LDB3: variants seen among roughly 807,000 people sequenced by gnomAD.
The protein encoded by LDB3 is LIM domain-binding protein 3.
LDB3 carries 49 observed loss-of-function variants against 69.0 expected under a neutral mutation model. The ratio of observed to expected loss-of-function variants is 0.71; its 90% CI spans 0.56 to 0.90. The LOEUF is 0.90. Among genes scored for constraint, LDB3 ranks in the 40% least tolerant of loss-of-function variants. LDB3 has a pLI of 0.00. For missense variants in LDB3, 928 were observed against 974.1 expected (o/e 0.95, Z 0.63); for synonymous variants, 387 against 396.2 (o/e 0.98, Z 0.28).
chr10:86,680,450 C>G (rs1381213215), intron 4 of LDB3, among the ~76,000 whole-genome samples: 1 of 152,220 alleles, frequency 6.6e-6, no homozygotes, highest in Non-Finnish European at 1.5e-5. Flanking sequence ...CAGCAGTGTT[C>G]CCAGGAGAGG....
Position 86,734,066 on chromosome 10 carries a change from C to T in LDB3, c.*1090C>T, listed in dbSNP as rs539266961. ...CTTTCTGCCACCCTCAGTAAGAACA[C>T]ACGAGGAGGCAGGACCTCCCACCTT... On this transcript the variant is annotated 3_prime_UTR_variant, in exon 14 of 14. Coordinates refer to ENST00000361373, the MANE Select transcript of LDB3 (RefSeq NM_007078.3). 6.6e-5 allele frequency: 10 copies of T among 152,366 alleles called. No homozygotes were observed. The East Asian group carries it at 1.9e-3, about 29-fold the overall frequency. 9.4% of individuals were successfully genotyped at this position (152,366 alleles called of 1,614,324 possible).
chr10:86,706,316 C>T (rs568965699), intron 7 of LDB3, among the ~76,000 whole-genome samples: 2 of 152,272 alleles, frequency 1.3e-5, no homozygotes, highest in South Asian at 2.1e-4. Context: ...GTTACTGGAA[C>T]CCTCCTGTGG....
intron 2 of LDB3, among the ~76,000 whole-genome samples, chr10:86,674,256 CACA>C (rs1844649579): frequency 6.6e-6 from 1 of 152,212 alleles, no homozygotes; most frequent in Admixed American, 6.5e-5. Context: ...ACATAATCCT[CACA>C]ACAATCCCGA....
intron 9 of LDB3, among the ~76,000 whole-genome samples, chr10:86,715,021 C>T (rs1409281225): frequency 6.6e-6 from 1 of 152,210 alleles, no homozygotes; most frequent in Non-Finnish European, 1.5e-5. Flanking sequence ...GGGTGGGTCA[C>T]CTGGGAGTGG....
chr10:86,667,801 A>T (rs1395593788), upstream of LDB3, among the ~76,000 whole-genome samples: 9 of 152,342 alleles, frequency 5.9e-5, no homozygotes, highest in East Asian at 5.8e-4. Flanking sequence ...GGGTGCAGGC[A>T]GAGGGCCAGC....
intron 2 of LDB3, among the ~76,000 whole-genome samples, chr10:86,677,607 T>C (rs1844870074): frequency 6.6e-6 from 1 of 152,146 alleles, no homozygotes; most frequent in East Asian, 1.9e-4. Flanking sequence ...ATTCCCGGGA[T>C]GGAGTTGCAG....
Position 86,699,464 on chromosome 10 carries a change from G to T in LDB3, c.896+6893G>T. 1 of 1,599,304 alleles carries T rather than the reference G, an allele frequency of 6.3e-7. No homozygotes were observed. The highest frequency in any genetic ancestry group is 8.5e-7 in the Non-Finnish European group (1 of 1,174,592). ...TCTGGCATGTGAGCCCCACGGTGATGCTTGACAATGTATAACTCTGCTGGG... is the reference window on the plus strand; with the variant it reads ...TCTGGCATGTGAGCCCCACGGTGATTCTTGACAATGTATAACTCTGCTGGG... On this transcript the variant is annotated intron_variant, in intron 7 of 13. Coordinates refer to ENST00000361373, the MANE Select transcript of LDB3 (RefSeq NM_007078.3). This position sits in a 1 kb window ranked among gnomAD's most constrained non-coding sequence, Gnocchi z 4.9.
Position 86,735,775 on chromosome 10 carries a change from G to A in LDB3, c.*2799G>A, listed in dbSNP as rs973664066. ...GCCTGGGCAACAGGAGCGAAACTCC[G>A]TTGCAAAAAAAAAAAAAAAAAAAAA... On this transcript the variant is annotated 3_prime_UTR_variant, in exon 14 of 14. Transcript: ENST00000361373. 101 of 108,914 alleles carry A rather than the reference G, an allele frequency of 9.3e-4. No homozygotes were observed. Among genetic ancestry groups the A allele is most frequent in the African/African-American group, 3.8e-3 (95 of 25,272 alleles). 6.7% of individuals were successfully genotyped at this position (108,914 alleles called of 1,614,324 possible). A position where few individuals can be genotyped will look rare whatever the true frequency, so the allele number is the denominator to read the frequency against.
At chr10:86,674,049 G>A (rs990180655) in intron 2 of LDB3, among the ~76,000 whole-genome samples, 5 of 152,106 alleles carry the variant, frequency 3.3e-5, no homozygotes, top group African/African-American at 1.2e-4. Flanking sequence ...CTCAGAACTG[G>A]TCAGTCAGGG....
At chr10:86,701,467 C>A (rs943458720) in intron 7 of LDB3, among the ~76,000 whole-genome samples, 11 of 152,216 alleles carry the variant, frequency 7.2e-5, no homozygotes, top group Non-Finnish European at 2.9e-5. Flanking sequence ...GGGCCCCAGG[C>A]TGGGTTCCAT....
intron 7 of LDB3, among the ~76,000 whole-genome samples, chr10:86,700,916 C>A (rs2132446164): frequency 6.6e-6 from 1 of 152,356 alleles, no homozygotes; most frequent in East Asian, 1.9e-4. Flanking sequence ...GATGCTGAGG[C>A]CCAGCCCTCA....
rs554186977 is a variant in LDB3 at position 86,721,360 on chromosome 10, G to T, written c.1978+2513G>T. Among the ~76,000 whole-genome samples, 71 of 152,288 alleles carry T rather than the reference G, an allele frequency of 4.7e-4. 2 individuals are homozygous for T. Among genetic ancestry groups the T allele is most frequent in the African/African-American group, 1.7e-3 (70 of 41,556 alleles). ...CACAGAAGGGAGTCCTGTCAAATCT[G>T]CAGATTGAGCCAGAATGATAGGGTC... is the stretch of plus-strand genomic sequence containing the variant. On this transcript the variant is annotated intron_variant, in intron 12 of 13. Coordinates refer to ENST00000361373, the MANE Select transcript of LDB3 (RefSeq NM_007078.3).
intron 7 of LDB3, among the ~76,000 whole-genome samples, chr10:86,702,025 T>C (rs1396759565): frequency 6.6e-6 from 1 of 152,174 alleles, no homozygotes; most frequent in African/African-American, 2.4e-5. Context: ...GGAGCATTCC[T>C]GGGGCAAAGT....
At chr10:86,720,564 A>G (rs565398862) in intron 12 of LDB3, among the ~76,000 whole-genome samples, 5 of 152,282 alleles carry the variant, frequency 3.3e-5, no homozygotes, top group African/African-American at 9.6e-5. Flanking sequence ...CTCAGTTTCT[A>G]TATCTGTAAA....
At chr10:86,727,229 C>T (rs1589686076) in intron 13 of LDB3, among the ~76,000 whole-genome samples, 1 of 151,988 alleles carries the variant, frequency 6.6e-6, no homozygotes, top group East Asian at 1.9e-4. Context: ...ACCATGTTGG[C>T]CAGACTGGTC....
rs145402041 is a variant in LDB3 at position 86,718,138 on chromosome 10, T to C, written c.1851T>C (p.Ile617=). The C allele has an allele frequency of 2.3e-5, 37 of 1,614,096 alleles. No individual in the cohort carries two copies. The Middle Eastern group carries it at 5.0e-4, about 22-fold the overall frequency. The part of the protein sequence containing the change: ...APLCAKCNTK[I]MGEVMHALRQ... The stretch of plus-strand genomic sequence containing the variant: ...TGTGTGCCAAGTGCAACACCAAAAT[T>C]ATGGGGGTAAGTGGGAGGCCTCCAT... The change falls in exon 11 of 14, where the codon ATT becomes ATC. Residue 617 remains isoleucine, a synonymous_variant. Transcript: ENST00000361373.
chr10:86,726,707 G>C (rs1288353891), intron 13 of LDB3, among the ~76,000 whole-genome samples: 1 of 152,192 alleles, frequency 6.6e-6, no homozygotes, highest in Non-Finnish European at 1.5e-5. Flanking sequence ...CTGAGATAGG[G>C]TTTCTCTTGG....
intron 5 of LDB3, among the ~76,000 whole-genome samples, chr10:86,682,218 C>G (rs759663001): frequency 4.2e-4 from 64 of 152,132 alleles, no homozygotes; most frequent in Non-Finnish European, 8.4e-4. Flanking sequence ...AGCTCGGAGG[C>G]AGGAGCAGGG....
chr10:86,721,517 C>G (rs182356166), intron 12 of LDB3, among the ~76,000 whole-genome samples: 1 of 152,224 alleles, frequency 6.6e-6, no homozygotes, highest in South Asian at 2.1e-4. Context: ...TCATGGTCAC[C>G]TAGGGAACTT....
Sources: allele counts gnomAD v4.1 joint callset (sites outside exome capture counted in the v4.1 genomes callset), GRCh38; gene constraint gnomAD v4.1.1; non-coding constraint Gnocchi (gnomAD v3.1); transcripts MANE v1.5; gene names NCBI Gene and HGNC (gene_info 2026-07-23, HGNC 2026-07-21).